The following TSHR variants were observed in gnomAD, a reference collection of about 807,000 sequenced individuals.
TSHR encodes the protein thyroid stimulating hormone receptor, also known as thyrotropin receptor.
A neutral mutation model predicts 64.1 loss-of-function variants in TSHR; 51 were observed. That is an observed-to-expected ratio of 0.80 (90% confidence interval 0.64 to 1.01). The LOEUF (loss-of-function observed/expected upper bound fraction) is 1.01, where lower values mean the gene tolerates loss of function less well. TSHR is among the 50% of genes least tolerant of loss of function. The pLI is 0.00. For synonymous variants in TSHR, 361 were observed against 361.9 expected, an observed-to-expected ratio of 1.00 and a Z score of 0.03; for missense variants, 877 against 942.8, an observed-to-expected ratio of 0.93 and a Z score of 0.91.
intron 3 of TSHR, among the ~76,000 whole-genome samples, chr14:81,084,356 CTT>C (rs201205225): frequency 1.3e-5 from 2 of 151,048 alleles, no homozygotes. Flanking sequence ...CTCTTTATTA[CTT>C]TTTTTTATTT....
At chr14:81,106,045 C>T (rs1889871029) in intron 7 of TSHR, among the ~76,000 whole-genome samples, 1 of 151,242 alleles carries the variant, frequency 6.6e-6, no homozygotes, top group African/African-American at 2.4e-5. Flanking sequence ...GAGAGTCAAA[C>T]AATGATCAAG....
intron 8 of TSHR, among the ~76,000 whole-genome samples, chr14:81,114,969 CCTGT>C (rs1890427111): frequency 6.6e-6 from 1 of 152,152 alleles, no homozygotes; most frequent in Admixed American, 6.5e-5. Context: ...AGCTGAGGGT[CCTGT>C]CTGTTAGAAG....
intron 1 of TSHR, among the ~76,000 whole-genome samples, chr14:81,047,820 G>A (rs140883838): frequency 0.019 from 2,964 of 152,032 alleles, 36 homozygotes; most frequent in Middle Eastern, 0.031. Context: ...CTAATTTTTC[G>A]TATTTTTAGT....
chr14:80,978,358 A>G (rs1440641456), intron 1 of TSHR, among the ~76,000 whole-genome samples: 2 of 152,170 alleles, frequency 1.3e-5, no homozygotes, highest in South Asian at 2.1e-4. Context: ...TCTCAGACCA[A>G]TTCCAGTACC....
chr14:81,021,740 G>A (rs759710033), intron 1 of TSHR, among the ~76,000 whole-genome samples: 4 of 151,936 alleles, frequency 2.6e-5, no homozygotes, highest in South Asian at 2.1e-4. Context: ...CAGTTCTTAC[G>A]GCTTATTGAA....
intron 1 of TSHR, among the ~76,000 whole-genome samples, chr14:81,019,333 CAAA>C (rs3038181): frequency 1.7e-5 from 2 of 115,770 alleles, no homozygotes; most frequent in Non-Finnish European, 3.8e-5. Flanking sequence ...GACTTTATCT[CAAA>C]AAAAAAAAAA....
At chr14:80,958,994 A>G (rs1370858479) in intron 1 of TSHR, among the ~76,000 whole-genome samples, 1 of 152,238 alleles carries the variant, frequency 6.6e-6, no homozygotes, top group East Asian at 1.9e-4. Context: ...GGTGCCGAGA[A>G]CAACTCTTTC....
chr14:81,042,654 G>A (rs1884978326), intron 1 of TSHR, among the ~76,000 whole-genome samples: 1 of 151,796 alleles, frequency 6.6e-6, no homozygotes, highest in Non-Finnish European at 1.5e-5. Flanking sequence ...GTAAGAGGAG[G>A]ATGGGGAGAG....
In TSHR at chr14:81,000,168, G is replaced by A. The variant is rs975666605; in HGVS notation, c.170+44318G>A. 1.5e-4 allele frequency among the ~76,000 whole-genome samples: 23 copies of A among 152,096 alleles called. No homozygotes were observed. The East Asian group carries it at 4.3e-3, about 28-fold the overall frequency. On this transcript the variant is annotated intron_variant, in intron 1 of 9. Transcript: ENST00000298171. ...GCTGGTCTCGAACTCCTGAGCTCAG[G>A]CAATCCGCCCGCCTTGGCCTCTCAA...
At chr14:81,078,482 T>C (rs756836388) in intron 3 of TSHR, among the ~76,000 whole-genome samples, 2 of 152,200 alleles carry the variant, frequency 1.3e-5, no homozygotes, top group African/African-American at 4.8e-5. Flanking sequence ...AATCATAATA[T>C]GCCTAGGTGA....
intron 1 of TSHR, chr14:80,983,784 A>C: frequency 2.8e-6 from 1 of 351,906 alleles, no homozygotes; most frequent in Non-Finnish European, 5.3e-6. Flanking sequence ...GACAAGCTCT[A>C]GGTTTGAGCT....
At position 81,103,580 on chromosome 14, in the gene TSHR, T is replaced by C; in HGVS notation, c.615-4795T>C. On this transcript the variant is annotated intron_variant, in intron 7 of 9. Coordinates refer to ENST00000298171, the MANE Select transcript of TSHR (RefSeq NM_000369.5). This position sits in a 1 kb window ranked among gnomAD's most constrained non-coding sequence, Gnocchi z 4.1. ...AGTCAAGCAATTAGTTAGGATTTCATGAAAATGATGGCAGATGTGTAAAAG... is the reference window on the plus strand; with the variant it reads ...AGTCAAGCAATTAGTTAGGATTTCACGAAAATGATGGCAGATGTGTAAAAG... 1.0e-6 allele frequency: 1 copy of C among 985,478 alleles called. No homozygotes were observed. Among genetic ancestry groups the C allele is most frequent in the Non-Finnish European group, 1.2e-6 (1 of 829,936 alleles). 61.0% of individuals were successfully genotyped at this position (985,478 alleles called of 1,614,324 possible). A position where few individuals can be genotyped will look rare whatever the true frequency, so the allele number is the denominator to read the frequency against.
intron 7 of TSHR, chr14:81,104,533 T>G (rs948657412): frequency 1.0e-6 from 1 of 985,322 alleles, no homozygotes; most frequent in Non-Finnish European, 1.2e-6. Context: ...GTATAGAGGG[T>G]GCCTCTTTCT....
Position 81,118,442 on chromosome 14 carries a change from TA to T in TSHR, c.692+9994del, listed in dbSNP as rs764700874. ...CCATTCACAATTGCTTCAAAGAGAATAAAATACCTAGGAATCCAACTTACAA... is the reference window on the plus strand; with the variant it reads ...CCATTCACAATTGCTTCAAAGAGAATAAATACCTAGGAATCCAACTTACAA... On this transcript the variant is annotated intron_variant, in intron 8 of 9. Transcript: ENST00000298171. Among the ~76,000 whole-genome samples, 796 of 139,360 alleles carry T rather than the reference TA, an allele frequency of 5.7e-3. 2 individuals carry two copies. The highest frequency in any genetic ancestry group is 0.021 in the Middle Eastern group (6 of 288). 91.4% of individuals were successfully genotyped at this position (139,360 alleles called of 152,430 possible). A position where few individuals can be genotyped will look rare whatever the true frequency, so the allele number is the denominator to read the frequency against.
chr14:81,088,863 T>C (rs1888493546), intron 4 of TSHR, among the ~76,000 whole-genome samples: 1 of 151,958 alleles, frequency 6.6e-6, no homozygotes, highest in South Asian at 2.1e-4. Flanking sequence ...CCCTTAAGGA[T>C]GAATAGAGGG....
chr14:81,142,918 ACT>A lies in TSHR; in HGVS notation c.882-19_882-18del. 1 of 1,611,466 alleles carries A rather than the reference ACT, an allele frequency of 6.2e-7. No individual in the cohort carries two copies. The highest frequency in any genetic ancestry group is 8.5e-7 in the Non-Finnish European group (1 of 1,177,794). ...AGCCACTGCGCCCAGCCTGGCACTG[ACT>A]CTTTTCTGTTGCCTTGCAGAATCCT... On this transcript the variant is annotated intron_variant, in intron 9 of 9. Coordinates refer to ENST00000298171, the MANE Select transcript of TSHR (RefSeq NM_000369.5).
intron 1 of TSHR, among the ~76,000 whole-genome samples, chr14:80,960,064 A>C (rs1886936747): frequency 6.6e-6 from 1 of 152,238 alleles, no homozygotes; most frequent in Non-Finnish European, 1.5e-5. Flanking sequence ...TCTCTTTGTT[A>C]AAAAGGAAGC....
intron 2 of TSHR, among the ~76,000 whole-genome samples, chr14:81,067,483 T>TTTTATATATA (rs1555376189): frequency 3.7e-5 from 5 of 134,970 alleles, no homozygotes; most frequent in African/African-American, 1.2e-4. Context: ...GTTTATAGTT[T>TTTTATATATA]TATATATATA....
chr14:81,086,374 A>G (rs1888287165), intron 3 of TSHR, among the ~76,000 whole-genome samples: 1 of 152,150 alleles, frequency 6.6e-6, no homozygotes, highest in Non-Finnish European at 1.5e-5. Flanking sequence ...GGTCTGTTTC[A>G]TATTCAGTGT....
Sources: gnomAD v4.1 joint callset for allele counts (sites outside exome capture counted in the v4.1 genomes callset) on GRCh38, gnomAD v4.1.1 for gene constraint, Gnocchi (gnomAD v3.1) non-coding constraint, MANE v1.5 for transcripts, NCBI Gene and HGNC (gene_info 2026-07-23, HGNC 2026-07-21) for gene names.